The following CNTNAP2 variants were observed in gnomAD, a reference collection of about 807,000 sequenced individuals.
CNTNAP2 encodes contactin associated protein 2.
Under a neutral mutation model 155.2 loss-of-function variants are expected in CNTNAP2, and 98 were observed. The observed-to-expected ratio is 0.63, with a 90% confidence interval of 0.54 to 0.75. The LOEUF is 0.75. CNTNAP2 is among the 30% of genes least tolerant of loss of function. The probability of loss-of-function intolerance (pLI) is 0.00; values close to 1 mark genes in which losing one functional copy is unlikely to be tolerated. For synonymous variants in CNTNAP2, 651 were observed against 631.2 expected, an observed-to-expected ratio of 1.03 and a Z score of -0.47; for missense variants, 1,727 against 1,688.1, an observed-to-expected ratio of 1.02 and a Z score of -0.40.
intron 16 of CNTNAP2, among the ~76,000 whole-genome samples, chr7:148,132,758 T>C (rs992024572): frequency 1.3e-5 from 2 of 152,254 alleles, no homozygotes; most frequent in Admixed American, 6.5e-5. Context: ...GCCTCTCCTT[T>C]TGTTGGGAGC....
intron 1 of CNTNAP2, among the ~76,000 whole-genome samples, chr7:146,673,276 G>T (rs1171240461): frequency 2.0e-5 from 3 of 152,026 alleles, no homozygotes; most frequent in Non-Finnish European, 4.4e-5. Context: ...AAAATCACTT[G>T]TGTGTAAATT....
chr7:147,689,076 T>G (rs1468810987), intron 13 of CNTNAP2, among the ~76,000 whole-genome samples: 1 of 152,098 alleles, frequency 6.6e-6, no homozygotes. Flanking sequence ...GAATTAAAAT[T>G]AAATATAACA....
At chr7:147,599,071 C>T (rs763378490) in intron 12 of CNTNAP2, among the ~76,000 whole-genome samples, 3 of 152,038 alleles carry the variant, frequency 2.0e-5, no homozygotes, top group Non-Finnish European at 4.4e-5. Context: ...ATAAACTGTC[C>T]CAATATATAA....
At chr7:147,436,288 G>C (rs1426174243) in intron 10 of CNTNAP2, among the ~76,000 whole-genome samples, 1 of 151,984 alleles carries the variant, frequency 6.6e-6, no homozygotes, top group African/African-American at 2.4e-5. Context: ...TCAACAAGAA[G>C]TTTTTGTTGT....
intron 5 of CNTNAP2, among the ~76,000 whole-genome samples, chr7:147,119,302 T>C (rs1025643382): frequency 6.6e-6 from 1 of 152,172 alleles, no homozygotes; most frequent in African/African-American, 2.4e-5. Context: ...ACTGACTTTG[T>C]GACCTTACCA....
In CNTNAP2 at chr7:148,280,077, G is replaced by A. The variant is rs143480538; in HGVS notation, c.3475+12951G>A. Among the ~76,000 whole-genome samples, 408 of 152,292 alleles carry A rather than the reference G, an allele frequency of 2.7e-3. 2 individuals carry two copies. The highest frequency in any genetic ancestry group is 8.7e-3 in the African/African-American group (361 of 41,564). On this transcript the variant is annotated intron_variant, in intron 21 of 23. Transcript: ENST00000361727. ...CAATCTCAGCACTTTGGGAGGCTGA[G>A]GCAGGAAGATCACTTGAGGTCAGGA...
chr7:147,556,564 A>T (rs932105920), intron 11 of CNTNAP2, among the ~76,000 whole-genome samples: 4 of 152,230 alleles, frequency 2.6e-5, no homozygotes, highest in Non-Finnish European at 4.4e-5. Context: ...AGAGAGTTGC[A>T]GTGATGCAGC....
chr7:147,340,721 C>G (rs997261978), intron 9 of CNTNAP2, among the ~76,000 whole-genome samples: 2 of 151,932 alleles, frequency 1.3e-5, no homozygotes, highest in African/African-American at 4.8e-5. Flanking sequence ...CATTTTCTTT[C>G]ATATATTTAA....
intron 9 of CNTNAP2, among the ~76,000 whole-genome samples, chr7:147,309,938 A>G (rs1473105645): frequency 6.6e-6 from 1 of 152,136 alleles, no homozygotes. Flanking sequence ...AAAATTTTCA[A>G]TCTAATTCCC....
intron 17 of CNTNAP2, among the ~76,000 whole-genome samples, chr7:148,164,172 G>A (rs1429098718): frequency 6.6e-6 from 1 of 152,118 alleles, no homozygotes; most frequent in Non-Finnish European, 1.5e-5. Context: ...TGACCTCAGT[G>A]ATCTGTCTGC....
chr7:146,383,360 C>T (rs1050329552), intron 1 of CNTNAP2, among the ~76,000 whole-genome samples: 3 of 152,030 alleles, frequency 2.0e-5, no homozygotes, highest in African/African-American at 7.2e-5. Flanking sequence ...CTGTATATCA[C>T]TTCACAAGCA....
At chr7:147,944,612 T>C (rs1003340182) in intron 14 of CNTNAP2, among the ~76,000 whole-genome samples, 3 of 152,234 alleles carry the variant, frequency 2.0e-5, no homozygotes, top group Non-Finnish European at 4.4e-5. Context: ...TCAACTGTTA[T>C]ACATAATGGG....
In CNTNAP2 at chr7:146,939,017, T is replaced by G. The variant is rs1585170027; in HGVS notation, c.402+99113T>G. 4.6e-5 allele frequency among the ~76,000 whole-genome samples: 7 copies of G among 152,180 alleles called. 1 individual carries two copies. The highest frequency in any genetic ancestry group is 4.6e-4 in the Admixed American group (7 of 15,274). On this transcript the variant is annotated intron_variant, in intron 3 of 23. Transcript: ENST00000361727. The stretch of plus-strand genomic sequence containing the variant: ...CTTTACTGTAGGACAAATGGAAACC[T>G]GACATTTACAAGAAAATATAATTTC...
rs543291931 is a variant in CNTNAP2 at position 146,906,022 on chromosome 7, G to C, written c.402+66118G>C. ...CAAGGGGTCAGGGAGTTCCCTTTCC[G>C]AGTCAAAGAAAGGGGTGACGGACGC... On this transcript the variant is annotated intron_variant, in intron 3 of 23. Coordinates refer to ENST00000361727, the MANE Select transcript of CNTNAP2 (RefSeq NM_014141.6). Among the ~76,000 whole-genome samples the C allele has an allele frequency of 2.6e-5, 4 of 152,294 alleles. No homozygotes were observed. The East Asian group carries it at 5.8e-4, about 22-fold the overall frequency.
chr7:147,941,446 A>AAC (rs1213028644), intron 14 of CNTNAP2, among the ~76,000 whole-genome samples: 3 of 152,126 alleles, frequency 2.0e-5, no homozygotes, highest in Non-Finnish European at 4.4e-5. Context: ...TAATATTGGT[A>AAC]ACACACACAC....
chr7:146,792,939 A>G (rs1246987268), intron 2 of CNTNAP2, among the ~76,000 whole-genome samples: 1 of 152,218 alleles, frequency 6.6e-6, no homozygotes, highest in African/African-American at 2.4e-5. Context: ...GGTAAAATAC[A>G]TGGTGAGCCA....
chr7:147,245,779 A>AAG (rs1804048161), intron 8 of CNTNAP2, among the ~76,000 whole-genome samples: 1 of 150,610 alleles, frequency 6.6e-6, no homozygotes, highest in Non-Finnish European at 1.5e-5. Context: ...AAAAAAAAAA[A>AAG]AAAAAATTTC....
intron 9 of CNTNAP2, among the ~76,000 whole-genome samples, chr7:147,315,552 G>A (rs1407531635): frequency 6.7e-6 from 1 of 149,176 alleles, no homozygotes; most frequent in Non-Finnish European, 1.5e-5. Flanking sequence ...CATGATCTCG[G>A]CTCACTGCAA....
At chr7:148,119,442 G>A (rs1256832413) in intron 16 of CNTNAP2, among the ~76,000 whole-genome samples, 3 of 152,152 alleles carry the variant, frequency 2.0e-5, no homozygotes, top group African/African-American at 7.2e-5. Flanking sequence ...TGAGGCAGGA[G>A]AATGGCGTAA....
Sources: allele counts gnomAD v4.1 joint callset (sites outside exome capture counted in the v4.1 genomes callset), GRCh38; gene constraint gnomAD v4.1.1; transcripts MANE v1.5; gene names NCBI Gene and HGNC (gene_info 2026-07-23, HGNC 2026-07-21).